The following PTPRZ1 variants were observed in gnomAD, a reference collection of about 807,000 sequenced individuals.
The protein encoded by PTPRZ1 is protein tyrosine phosphatase receptor type Z1.
PTPRZ1 carries 82 observed loss-of-function variants against 214.1 expected under a neutral mutation model. The observed-to-expected ratio is 0.38, with a 90% CI of 0.32 to 0.46. The LOEUF (loss-of-function observed/expected upper bound fraction) is 0.46, where lower values mean the gene tolerates loss of function less well. PTPRZ1 is among the 20% of genes least tolerant of loss of function. PTPRZ1 has a pLI of 1.00. For missense variants in PTPRZ1, 2,603 were observed against 2,748.7 expected, an observed-to-expected ratio of 0.95 and a Z score of 1.19; for synonymous variants, 945 against 987.9, an observed-to-expected ratio of 0.96 and a Z score of 0.81.
chr7:122,019,797 A>C (rs539300388), intron 13 of PTPRZ1, among the ~76,000 whole-genome samples: 1 of 152,204 alleles, frequency 6.6e-6, no homozygotes, highest in Non-Finnish European at 1.5e-5. Context: ...TTTAAGATAC[A>C]TATAATTTGC....
chr7:121,884,657 T>C (rs1411011522), intron 1 of PTPRZ1, among the ~76,000 whole-genome samples: 1 of 152,212 alleles, frequency 6.6e-6, no homozygotes, highest in Non-Finnish European at 1.5e-5. Flanking sequence ...TTGTTGAACA[T>C]TTACTGTGTG....
chr7:122,058,133 T>C (rs751349803), intron 27 of PTPRZ1, among the ~76,000 whole-genome samples: 2 of 151,992 alleles, frequency 1.3e-5, no homozygotes, highest in Non-Finnish European at 2.9e-5. Flanking sequence ...CCTCTATTGT[T>C]TTTCTTATTT....
At chr7:122,031,599 T>G (rs377400045) in intron 15 of PTPRZ1, 40 bp downstream of exon 15, 6 of 1,393,596 alleles carry the variant, frequency 4.3e-6, no homozygotes, top group African/African-American at 2.9e-5. Context: ...ATATAGAAAA[T>G]AGTAAAATTT....
intron 1 of PTPRZ1, among the ~76,000 whole-genome samples, chr7:121,879,193 C>G (rs1340407262): frequency 3.3e-5 from 5 of 152,168 alleles, no homozygotes; most frequent in African/African-American, 9.7e-5. Flanking sequence ...TGAGTGTGTA[C>G]TTACAGAAGC....
chr7:121,992,572 A>G (rs1218120391), intron 8 of PTPRZ1, among the ~76,000 whole-genome samples: 2 of 152,212 alleles, frequency 1.3e-5, no homozygotes, highest in African/African-American at 2.4e-5. Flanking sequence ...ATAAATTTGA[A>G]AAGAATTTGG....
intron 1 of PTPRZ1, among the ~76,000 whole-genome samples, chr7:121,894,871 A>G (rs976109659): frequency 2.0e-5 from 3 of 152,172 alleles, no homozygotes; most frequent in Admixed American, 6.5e-5. Context: ...TCTTTGTCAT[A>G]TATAATTTTT....
intron 6 of PTPRZ1, among the ~76,000 whole-genome samples, chr7:121,982,591 A>G (rs1413349342): frequency 1.3e-5 from 2 of 152,040 alleles, no homozygotes; most frequent in East Asian, 3.9e-4. Flanking sequence ...TATTCTACAC[A>G]TTATTTGTTA....
chr7:121,943,722 G>T (rs1353497382), intron 2 of PTPRZ1, among the ~76,000 whole-genome samples: 2 of 152,126 alleles, frequency 1.3e-5, no homozygotes, highest in Admixed American at 6.6e-5. Context: ...AAGATTACTG[G>T]TCCTGATTTT....
At position 122,010,590 on chromosome 7, in the gene PTPRZ1, A is replaced by T. The variant is rs772358569; in HGVS notation, c.1544A>T (p.Asp515Val). 1.2e-6 allele frequency: 2 copies of T among 1,613,592 alleles called. No homozygotes were observed. The highest frequency in any genetic ancestry group is 2.2e-5 in the East Asian group (1 of 44,894). Residue 515 changes from aspartate to valine, a missense_variant, in exon 12 of 30, where the codon GAT becomes GTT. Asp to Val is a radical substitution (Grantham distance 152). This residue lies in a region of PTPRZ1 where 1,913 missense variants were observed against 1,914.3 expected (regional missense o/e 1.00). Transcript: ENST00000393386. ...GTCACTAAATTAGCCACAGAAAAAG[A>T]TATTTCCTTGACTTCTCAGACTGTG... Reference protein sequence around the residue: ...QPVTKLATEKDISLTSQTVTE... With the variant: ...QPVTKLATEKVISLTSQTVTE...
At chr7:121,918,061 A>T (rs896095037) in intron 1 of PTPRZ1, among the ~76,000 whole-genome samples, 3 of 152,090 alleles carry the variant, frequency 2.0e-5, no homozygotes, top group Non-Finnish European at 4.4e-5. Context: ...AAAAAAAAAA[A>T]GGAATTCATG....
At chr7:122,032,493 G>A (rs1211850053) in intron 15 of PTPRZ1, among the ~76,000 whole-genome samples, 1 of 152,098 alleles carries the variant, frequency 6.6e-6, no homozygotes, top group East Asian at 1.9e-4. Context: ...CCCCACTAGA[G>A]AGCTTCATAT....
intron 25 of PTPRZ1, 72 bp from the exon 26 acceptor site, chr7:122,053,838 A>G: frequency 1.3e-6 from 2 of 1,547,434 alleles, no homozygotes; most frequent in South Asian, 2.4e-5. Flanking sequence ...AGGTCCATTG[A>G]TGTATAAATG....
intron 1 of PTPRZ1, among the ~76,000 whole-genome samples, chr7:121,902,689 G>T (rs1205988495): frequency 6.6e-6 from 1 of 151,818 alleles, no homozygotes; most frequent in African/African-American, 2.4e-5. Context: ...TCAGATCTTT[G>T]TCTGTTTTTT....
rs1455886533 is a variant in PTPRZ1 at position 121,976,833 on chromosome 7, G to A, written c.601G>A (p.Glu201Lys). ...TTTCAAAGCGATTATTGATGGAGTCGAAAGTGTTAGTCGTTTTGGTAAGCT... is the reference window on the plus strand; with the variant it reads ...TTTCAAAGCGATTATTGATGGAGTCAAAAGTGTTAGTCGTTTTGGTAAGCT... Reference protein sequence around the residue: ...LDFKAIIDGVESVSRFGKQAA... With the variant: ...LDFKAIIDGVKSVSRFGKQAA... The change falls in exon 6 of 30, where the codon GAA becomes AAA. Residue 201 changes from glutamate to lysine, a missense_variant. By Grantham distance (56) the Glu-to-Lys change is moderately conservative. Coordinates refer to ENST00000393386, the MANE Select transcript of PTPRZ1 (RefSeq NM_002851.3). 5.0e-6 allele frequency: 8 copies of A among 1,610,744 alleles called. No individual in the cohort carries two copies. Among genetic ancestry groups the A allele is most frequent in the East Asian group, 4.5e-5 (2 of 44,660 alleles).
intron 11 of PTPRZ1, among the ~76,000 whole-genome samples, chr7:122,005,383 G>A (rs1386871499): frequency 6.6e-6 from 1 of 151,826 alleles, no homozygotes; most frequent in African/African-American, 2.4e-5. Flanking sequence ...ATGATAATAC[G>A]AATGTGTACA....
intron 25 of PTPRZ1, among the ~76,000 whole-genome samples, chr7:122,053,085 T>C (rs1342792057): frequency 6.6e-6 from 1 of 152,086 alleles, no homozygotes; most frequent in Non-Finnish European, 1.5e-5. Flanking sequence ...GTTTTTAGTA[T>C]TTATGGACCC....
chr7:121,957,679 G>A (rs757837717), intron 2 of PTPRZ1, among the ~76,000 whole-genome samples: 13 of 152,214 alleles, frequency 8.5e-5, no homozygotes, highest in African/African-American at 2.2e-4. Context: ...AATTTGCACA[G>A]TCTGAGATGT....
At chr7:121,953,506 A>G (rs537484068) in intron 2 of PTPRZ1, among the ~76,000 whole-genome samples, 26 of 152,344 alleles carry the variant, frequency 1.7e-4, no homozygotes, top group Non-Finnish European at 2.8e-4. Flanking sequence ...CATTGTCATT[A>G]AATTATTTTT....
chr7:121,969,367 G>C (rs1209063048), intron 3 of PTPRZ1, among the ~76,000 whole-genome samples: 3 of 152,112 alleles, frequency 2.0e-5, no homozygotes, highest in African/African-American at 7.2e-5. Flanking sequence ...TTCAAGACCA[G>C]CTTGGTCAAC....
Sources: gnomAD v4.1 joint callset for allele counts (sites outside exome capture counted in the v4.1 genomes callset) on GRCh38, gnomAD v4.1.1 for gene constraint, gnomAD v4.1.1 regional missense constraint, MANE v1.5 for transcripts, NCBI Gene and HGNC (gene_info 2026-07-23, HGNC 2026-07-21) for gene names.